The following MCM3AP variants were observed in gnomAD, a reference collection of about 807,000 sequenced individuals.
MCM3AP encodes the protein germinal-center associated nuclear protein.
Under a neutral mutation model 184.1 loss-of-function variants are expected in MCM3AP, and 126 were observed. That is an observed-to-expected ratio of 0.68 (90% CI 0.59 to 0.79). The LOEUF is 0.79. Among genes scored for constraint, MCM3AP ranks in the 30% least tolerant of loss-of-function variants. The pLI is 0.00. For missense variants in MCM3AP, 2,496 were observed against 2,479.2 expected (o/e 1.01, Z -0.14); for synonymous variants, 1,002 against 979.3 (o/e 1.02, Z -0.43).
chr21:46,268,878 T>C (rs1283645205), intron 9 of MCM3AP, among the ~76,000 whole-genome samples: 5 of 152,080 alleles, frequency 3.3e-5, no homozygotes, highest in African/African-American at 1.2e-4. Flanking sequence ...ATCCCATCTC[T>C]ACTAAGTTAG....
At position 46,261,313 on chromosome 21, in the gene MCM3AP, C is replaced by T; in HGVS notation, c.3434G>A (p.Arg1145Lys). 1 of 1,614,164 alleles carries T rather than the reference C, an allele frequency of 6.2e-7. No homozygotes were observed. Among genetic ancestry groups the T allele is most frequent in the Non-Finnish European group, 8.5e-7 (1 of 1,180,040 alleles). The change falls in exon 14 of 28, where the codon AGG (arginine) becomes AAG (lysine). Residue 1145 changes from arginine (R) to lysine (K), a missense_variant. This residue lies in a region of MCM3AP where 1,323 missense variants were observed against 1,273.4 expected (regional missense o/e 1.04). Coordinates refer to ENST00000291688, the MANE Select transcript of MCM3AP (RefSeq NM_003906.5). ...AEEVSKERER[R>K]EQERQRAEEE... is the part of the protein sequence containing the mutation. The stretch of plus-strand genomic sequence containing the variant: ...TTCAGCCCGCTGCCTCTCCTGCTCC[C>T]TTCGCTCTCTTTCCTTAGACACTTC...
chr21:46,273,274 C>T (rs1191043690), intron 7 of MCM3AP, 114 bp downstream of exon 7: 4 of 1,059,166 alleles, frequency 3.8e-6, no homozygotes, highest in South Asian at 3.1e-5. Flanking sequence ...TGCACCTGGC[C>T]CACAAAAGTA....
At position 46,272,706 on chromosome 21, in the gene MCM3AP, T is replaced by C; in HGVS notation, c.2320A>G (p.Ile774Val). The change falls in exon 8 of 28, where the codon ATC becomes GTC. Residue 774 changes from isoleucine (I) to valine (V), a missense_variant. Ile to Val is a conservative substitution (Grantham distance 29). Transcript: ENST00000291688. ...CACTTGGTCATGTTCTCATTATTGATCTTGGCATCAAAGGAGGACATGGGC... is the reference window on the plus strand; with the variant it reads ...CACTTGGTCATGTTCTCATTATTGACCTTGGCATCAAAGGAGGACATGGGC... ...EEPMSSFDAK[I>V]NNENMTKCLQ... The C allele has an allele frequency of 6.2e-7, 1 of 1,614,178 alleles. No homozygotes were observed. Among genetic ancestry groups the C allele is most frequent in the Non-Finnish European group, 8.5e-7 (1 of 1,180,044 alleles).
Position 46,235,365 on chromosome 21 carries a change from C to T in MCM3AP, c.5846G>A (p.Arg1949Gln), listed in dbSNP as rs374178711. The change falls in exon 28 of 28, where the codon CGA (arginine) becomes CAA (glutamine). Residue 1949 changes from arginine (R) to glutamine (Q), a missense_variant. By Grantham distance (43) the Arg-to-Gln change is conservative. Transcript: ENST00000291688. ...SEATGTCLGE[R>Q]LKHLERLIRS... The stretch of plus-strand genomic sequence containing the variant: ...GATCAGCCTTTCCAGGTGCTTTAGT[C>T]GTTCGCCTAGACACGTTCCTGTCGC... 5 of 1,614,130 alleles carry T rather than the reference C, an allele frequency of 3.1e-6. No individual in the cohort carries two copies. Among genetic ancestry groups the T allele is most frequent in the Admixed American group, 1.7e-5 (1 of 60,024 alleles).
intron 23 of MCM3AP, 188 bp downstream of exon 23, chr21:46,244,619 G>C (rs2080732400): frequency 1.6e-6 from 1 of 644,702 alleles, no homozygotes; most frequent in African/African-American, 1.8e-5. Flanking sequence ...ACAAAACCCA[G>C]CTTGTTCTGG....
chr21:46,253,801 A>T (rs1180096840), intron 19 of MCM3AP: 1 of 152,640 alleles, frequency 6.6e-6, no homozygotes. Flanking sequence ...GTGTGTGGAA[A>T]CTCCCCCTTG....
rs1412956901 is a variant in MCM3AP at position 46,284,603 on chromosome 21, G to A, written c.684C>T (p.Asn228=). 2 of 1,614,150 alleles carry A rather than the reference G, an allele frequency of 1.2e-6. No individual in the cohort carries two copies. The highest frequency in any genetic ancestry group is 2.2e-5 in the East Asian group (1 of 44,886). Reference sequence around the variant, plus strand: ...CTCTCTTCTCTTCCTCTACATTTTGGTTTGACAAAGCAGGGGTAAAGGCAG... The same window carrying A: ...CTCTCTTCTCTTCCTCTACATTTTGATTTGACAAAGCAGGGGTAAAGGCAG... The part of the protein sequence containing the change: ...SLSAFTPALS[N]QNVEEEKRGP... Residue 228 remains asparagine (N), a synonymous_variant, in exon 1 of 28, where the codon AAC becomes AAT. Transcript: ENST00000291688.
chr21:46,243,135 T>C (rs2080701028), intron 24 of MCM3AP: 1 of 599,428 alleles, frequency 1.7e-6, no homozygotes. Flanking sequence ...TTGGGTTAAA[T>C]AGGCTCCCAG....
intron 26 of MCM3AP, among the ~76,000 whole-genome samples, chr21:46,237,627 A>C (rs1319583045): frequency 9.2e-6 from 1 of 108,822 alleles, no homozygotes; most frequent in South Asian, 3.0e-4. Context: ...CAACTCCTGA[A>C]CTCAAGTGAT....
In MCM3AP at chr21:46,270,425, A is replaced by G; in HGVS notation, c.2604T>C (p.Cys868=). The change falls in exon 9 of 28, where the codon TGT becomes TGC. Residue 868 remains cysteine (C), a synonymous_variant. Transcript: ENST00000291688. The stretch of plus-strand genomic sequence containing the variant: ...CCTGACTGAAGTAACAGTGTAAAAG[A>G]CAAGCGTTCAGGTAAGAAGCTGACT... ...LVQSASYLNA[C]LLHCYFSQIR... 6.2e-7 allele frequency: 1 copy of G among 1,613,458 alleles called. No individual in the cohort carries two copies. Among genetic ancestry groups the G allele is most frequent in the Non-Finnish European group, 8.5e-7 (1 of 1,179,796 alleles).
intron 16 of MCM3AP, among the ~76,000 whole-genome samples, chr21:46,258,006 C>T (rs1478854483): frequency 6.6e-6 from 1 of 151,804 alleles, no homozygotes; most frequent in East Asian, 1.9e-4. Context: ...ATCGCACTGA[C>T]CTCAAGACCA....
rs2081195643 is a variant in MCM3AP, at chr21:46,272,621, C to G, written c.2405G>C (p.Ser802Thr). The change falls in exon 8 of 28, where the codon AGC becomes ACC. Residue 802 changes from serine to threonine, a missense_variant. This residue lies in a region of MCM3AP where 105 missense variants were observed against 97.1 expected (regional missense o/e 1.08). Coordinates refer to ENST00000291688, the MANE Select transcript of MCM3AP (RefSeq NM_003906.5). ...DLRNKGVFCA[S>T]EAEFQGYNVL... ...ATTGTAGCCCTGGAACTCCGCTTCG[C>G]TGGCACAGAAGACACCCTTGTTTCT... 5 of 1,614,224 alleles carry G rather than the reference C, an allele frequency of 3.1e-6. No homozygotes were observed. Among genetic ancestry groups the G allele is most frequent in the Non-Finnish European group, 4.2e-6 (5 of 1,180,030 alleles).
chr21:46,269,126 TTTTG>T (rs773590560), intron 9 of MCM3AP, among the ~76,000 whole-genome samples: 4 of 152,242 alleles, frequency 2.6e-5, no homozygotes, highest in African/African-American at 7.2e-5. Context: ...TATGTTTTAT[TTTTG>T]TTTATTTTTT....
At chr21:46,247,194 T>C (rs1034909770) in intron 20 of MCM3AP, 3 of 284,348 alleles carry the variant, frequency 1.1e-5, no homozygotes, top group African/African-American at 6.4e-5. Context: ...GCTCGAGCAG[T>C]CCTCCTGGTT....
rs1478088599 is a variant in MCM3AP at position 46,246,879 on chromosome 21, T to C, written c.4298A>G (p.His1433Arg). 7 of 1,613,620 alleles carry C rather than the reference T, an allele frequency of 4.3e-6. No homozygotes were observed. Among genetic ancestry groups the C allele is most frequent in the Non-Finnish European group, 5.9e-6 (7 of 1,179,544 alleles). Reference sequence around the variant, plus strand: ...AATGGCACCATCACTGAGGGCGCCATGGGCCACCTGCAACAGCATCAAGAT... The same window carrying C: ...AATGGCACCATCACTGAGGGCGCCACGGGCCACCTGCAACAGCATCAAGAT... ...ISVNVCIKVA[H>R]GALSDGAIDA... The change falls in exon 21 of 28, where the codon CAT (histidine) becomes CGT (arginine). Residue 1433 changes from histidine (H) to arginine (R), a missense_variant. His to Arg is a conservative substitution (Grantham distance 29, BLOSUM62 0). Transcript: ENST00000291688.
At chr21:46,255,063 C>A (rs1004694942) in intron 17 of MCM3AP, among the ~76,000 whole-genome samples, 1 of 152,194 alleles carries the variant, frequency 6.6e-6, no homozygotes, top group Non-Finnish European at 1.5e-5. Flanking sequence ...CCTTTGAGAA[C>A]ATAGGCTCTA....
At chr21:46,266,697 A>C in intron 10 of MCM3AP, 1 of 396,310 alleles carries the variant, frequency 2.5e-6, no homozygotes, top group Non-Finnish European at 4.6e-6. Flanking sequence ...AGTCAAGGGA[A>C]AGAATAAAGA....
At chr21:46,243,025 A>G (rs2080698386) in intron 24 of MCM3AP, 94 bp from the exon 25 acceptor site, 2 of 1,172,950 alleles carry the variant, frequency 1.7e-6, no homozygotes, top group Non-Finnish European at 2.4e-6. Flanking sequence ...AAAAACAGGT[A>G]CAAATAATAT....
chr21:46,270,225 C>T lies in MCM3AP; in HGVS notation c.2628+176G>A, dbSNP rs1331272201. ...CACAGCCTTTCCGGATGGTGACCAA[C>T]AGTGATAACCCCTATAAAACAGGGC... On this transcript the variant is annotated intron_variant, in intron 9 of 27. Coordinates refer to ENST00000291688, the MANE Select transcript of MCM3AP (RefSeq NM_003906.5). The T allele has an allele frequency of 7.6e-6, 4 of 529,272 alleles. No individual in the cohort carries two copies. The East Asian group carries it at 9.0e-5, about 12-fold the overall frequency. 32.8% of individuals were successfully genotyped at this position (529,272 alleles called of 1,614,324 possible). A position where few individuals can be genotyped will look rare whatever the true frequency, so the allele number is the denominator to read the frequency against.
Sources: gnomAD v4.1 joint callset for allele counts (sites outside exome capture counted in the v4.1 genomes callset) on GRCh38, gnomAD v4.1.1 for gene constraint, gnomAD v4.1.1 regional missense constraint, MANE v1.5 for transcripts, NCBI Gene and HGNC (gene_info 2026-07-23, HGNC 2026-07-21) for gene names.